The following JCAD variants were observed in gnomAD, a reference collection of about 807,000 sequenced individuals.
The protein encoded by JCAD is junctional cadherin 5 associated, also known as junctional cadherin 5-associated protein.
In JCAD, 40 loss-of-function variants were observed where a neutral mutation model predicts 98.0. That is an observed-to-expected ratio of 0.41 (90% confidence interval 0.32 to 0.53). The LOEUF (loss-of-function observed/expected upper bound fraction) is 0.53, where lower values mean the gene tolerates loss of function less well. Among genes scored for constraint, JCAD ranks in the 20% least tolerant of loss-of-function variants. The pLI is 0.31. For missense variants in JCAD, 1,705 were observed against 1,738.1 expected (o/e 0.98, Z 0.34); for synonymous variants, 691 against 682.3 (o/e 1.01, Z -0.20).
At chr10:30,033,788 GC>G (rs1235785077) in intron 2 of JCAD, among the ~76,000 whole-genome samples, 1 of 152,188 alleles carries the variant, frequency 6.6e-6, no homozygotes, top group Non-Finnish European at 1.5e-5. Context: ...CCCTGCTGGG[GC>G]CTGGGCTGCA....
In JCAD at chr10:30,015,382, T is replaced by C. The variant is rs1836513009; in HGVS notation, c.*2501A>G. The C allele has an allele frequency of 6.6e-6, 1 of 152,236 alleles. No individual in the cohort carries two copies. Among genetic ancestry groups the C allele is most frequent in the Non-Finnish European group, 1.5e-5 (1 of 68,042 alleles). The allele number at this position is 152,236 out of a possible 1,614,324, so 9.4% of individuals were successfully genotyped here. On this transcript the variant is annotated 3_prime_UTR_variant, in exon 4 of 4. Transcript: ENST00000375377. ...TTCAAGACCTCTGGGAAAGCTGTTG[T>C]TGGTTATAGGCTATTATTTACCTTA...
chr10:30,076,762 A>G (rs1052536654), intron 1 of JCAD, among the ~76,000 whole-genome samples: 5 of 152,224 alleles, frequency 3.3e-5, no homozygotes, highest in Non-Finnish European at 5.9e-5. Context: ...GGACCAGCAG[A>G]CAGCCTGTTA....
At chr10:30,042,024 T>C (rs970195372) in intron 2 of JCAD, among the ~76,000 whole-genome samples, 14 of 152,138 alleles carry the variant, frequency 9.2e-5, no homozygotes, top group Admixed American at 8.5e-4. Context: ...GCTTTGGACA[T>C]GGCCTGTGAG....
At position 30,027,648 on chromosome 10, in the gene JCAD, G is replaced by C. The variant is rs1325600965; in HGVS notation, c.2500C>G (p.Gln834Glu). 1 of 1,614,202 alleles carries C rather than the reference G, an allele frequency of 6.2e-7. No individual in the cohort carries two copies. The highest frequency in any genetic ancestry group is 1.7e-5 in the Admixed American group (1 of 60,026). Residue 834 changes from glutamine to glutamate, a missense_variant, in exon 3 of 4, where the codon CAG (glutamine) becomes GAG (glutamate). This residue lies in a region of JCAD where 1,278 missense variants were observed against 1,243.1 expected (regional missense o/e 1.03). Transcript: ENST00000375377. Reference sequence around the variant, plus strand: ...AGCTCCTTGTTAAAACTTTCTAACTGACTGATCAAATCCCAGGGACGACGG... The same window carrying C: ...AGCTCCTTGTTAAAACTTTCTAACTCACTGATCAAATCCCAGGGACGACGG... ...VSRRPWDLISQLESFNKELQE... is the reference protein window; with the variant it reads ...VSRRPWDLISELESFNKELQE...
chr10:30,025,556 AGGG>A (rs1564440345), intron 3 of JCAD, among the ~76,000 whole-genome samples: 1 of 2,120 alleles, frequency 4.7e-4, no homozygotes, highest in Non-Finnish European at 1.0e-3. Flanking sequence ...AGGGGAGGGG[AGGG>A]GAGGGGAGGG....
upstream of JCAD, among the ~76,000 whole-genome samples, chr10:30,061,997 A>G (rs796087395): frequency 1.2e-4 from 18 of 152,284 alleles, no homozygotes; most frequent in African/African-American, 4.3e-4. Context: ...CCCACAGAAC[A>G]ATGTCATATT....
chr10:30,092,034 CAAAAAAAAAAAAAAAAAAA>C (rs1198107053), intron 1 of JCAD, among the ~76,000 whole-genome samples: 1 of 35,410 alleles, frequency 2.8e-5, no homozygotes, highest in African/African-American at 1.4e-4. Flanking sequence ...TCCCCCACCA[CAAAAAAAAAAAAAAAAAAA>C]AAAAAAAAAA....
chr10:30,029,662 A>C lies in JCAD; in HGVS notation c.486T>G (p.His162Gln). The C allele has an allele frequency of 6.2e-7, 1 of 1,614,066 alleles. No individual in the cohort carries two copies. The highest frequency in any genetic ancestry group is 8.5e-7 in the Non-Finnish European group (1 of 1,180,000). Residue 162 changes from histidine (H) to glutamine (Q), a missense_variant, in exon 3 of 4, where the codon CAT (histidine) becomes CAG (glutamine). His to Gln is a conservative substitution (Grantham distance 24). Around this residue, in one of 3 missense-constraint regions of JCAD, gnomAD observed 275 missense variants for 346.9 expected, o/e 0.79. Coordinates refer to ENST00000375377, the MANE Select transcript of JCAD (RefSeq NM_020848.4). ...CTTCCCAAACTGGCTTCTTCATCAC[A>C]TGCTCTGACCTTCCTCCAACTTCCC... ...GPWEVGGRSE[H>Q]VMKKPVWEEE... is the part of the protein sequence containing the mutation.
At chr10:30,047,411 C>T in intron 2 of JCAD, 121 bp downstream of exon 2, 1 of 1,206,058 alleles carries the variant, frequency 8.3e-7, no homozygotes, top group East Asian at 2.4e-5. Flanking sequence ...GTTCTTGTGT[C>T]TAATACCATT....
intron 1 of JCAD, among the ~76,000 whole-genome samples, chr10:30,070,731 C>T (rs1263521999): frequency 1.3e-5 from 2 of 152,170 alleles, no homozygotes; most frequent in Admixed American, 6.5e-5. Flanking sequence ...TTGGAACAAA[C>T]GCTATTCAGA....
chr10:30,026,495 T>C lies in JCAD; in HGVS notation c.3653A>G (p.His1218Arg), dbSNP rs1313746699. The change falls in exon 3 of 4, where the codon CAT becomes CGT. Residue 1218 changes from histidine (H) to arginine (R), a missense_variant. Around this residue, in one of 3 missense-constraint regions of JCAD, gnomAD observed 1,278 missense variants for 1,243.1 expected, o/e 1.03. Coordinates refer to ENST00000375377, the MANE Select transcript of JCAD (RefSeq NM_020848.4). ...CACACTTGGGGTTCTTTCTACAAAA[T>C]GGAATAAAGTGGACCTGAAGGGTGG... Reference protein sequence around the residue: ...TKPPFRSTLFHFVERTPSVAG... With the variant: ...TKPPFRSTLFRFVERTPSVAG... The C allele has an allele frequency of 2.5e-6, 4 of 1,614,108 alleles. No individual in the cohort carries two copies. The highest frequency in any genetic ancestry group is 2.2e-5 in the East Asian group (1 of 44,896).
intron 3 of JCAD, 130 bp downstream of exon 3, chr10:30,025,973 A>C (rs189198946): frequency 9.3e-6 from 10 of 1,075,358 alleles, no homozygotes; most frequent in South Asian, 1.4e-5. Context: ...TCTTTTGATA[A>C]AACAATTCCC....
intron 1 of JCAD, among the ~76,000 whole-genome samples, chr10:30,073,175 C>G (rs1189380190): frequency 6.6e-6 from 1 of 152,282 alleles, no homozygotes; most frequent in South Asian, 2.1e-4. Context: ...GGAAGAAGTA[C>G]GTAGGCTTTG....
intron 1 of JCAD, among the ~76,000 whole-genome samples, chr10:30,076,779 A>G (rs1837988579): frequency 6.6e-6 from 1 of 152,200 alleles, no homozygotes; most frequent in Non-Finnish European, 1.5e-5. Context: ...GTTACCTTCA[A>G]CATCATAGGA....
intron 3 of JCAD, among the ~76,000 whole-genome samples, chr10:30,018,736 C>A (rs551087728): frequency 6.6e-6 from 1 of 152,156 alleles, no homozygotes; most frequent in Non-Finnish European, 1.5e-5. Flanking sequence ...AAGGCTCACA[C>A]GTGCGCCTCC....
At chr10:30,044,001 G>A (rs1229443434) in intron 2 of JCAD, among the ~76,000 whole-genome samples, 1 of 152,176 alleles carries the variant, frequency 6.6e-6, no homozygotes, top group East Asian at 1.9e-4. Context: ...AAGAGGTGAT[G>A]AGGTAATGAG....
chr10:30,048,393 A>G (rs1010464837), intron 1 of JCAD, among the ~76,000 whole-genome samples: 9 of 152,196 alleles, frequency 5.9e-5, no homozygotes, highest in African/African-American at 2.2e-4. Flanking sequence ...CAGTCATGAT[A>G]CAATTCAGCG....
chr10:30,032,975 A>G (rs1837034290), intron 2 of JCAD, among the ~76,000 whole-genome samples: 1 of 152,196 alleles, frequency 6.6e-6, no homozygotes, highest in Non-Finnish European at 1.5e-5. Context: ...AACTTGCTTA[A>G]TACTAACATC....
chr10:30,044,855 C>T (rs1223356427), intron 2 of JCAD: 2 of 939,656 alleles, frequency 2.1e-6, no homozygotes, highest in Non-Finnish European at 2.5e-6. Context: ...TCATTTCAAC[C>T]CAGGGAACCT....
Sources: gnomAD v4.1 joint callset for allele counts (sites outside exome capture counted in the v4.1 genomes callset) on GRCh38, gnomAD v4.1.1 for gene constraint, gnomAD v4.1.1 regional missense constraint, MANE v1.5 for transcripts, NCBI Gene and HGNC (gene_info 2026-07-23, HGNC 2026-07-21) for gene names.